Variants in DLGAP1 observed in about 807,000 individuals in gnomAD.
DLGAP1 encodes DLG associated protein 1.
Under a neutral mutation model 90.8 loss-of-function variants are expected in DLGAP1, and 11 were observed. The ratio of observed to expected loss-of-function variants is 0.12; its 90% CI spans 0.08 to 0.20. The LOEUF is 0.20. Ranked by LOEUF, DLGAP1 falls within the 10% of genes least tolerant of loss-of-function variation. DLGAP1 has a pLI of 1.00. For synonymous variants in DLGAP1, 558 were observed against 540.7 expected (o/e 1.03, Z -0.44); for missense variants, 1,050 against 1,333.8 (o/e 0.79, Z 3.31).
chr18:4,049,754 G>T (rs1298613136), intron 2 of DLGAP1, among the ~76,000 whole-genome samples: 1 of 152,066 alleles, frequency 6.6e-6, no homozygotes, highest in Non-Finnish European at 1.5e-5. Flanking sequence ...GCTTAGACTA[G>T]GTTTTTACTT....
chr18:4,324,584 A>G (rs1440786798), intron 1 of DLGAP1, among the ~76,000 whole-genome samples: 1 of 152,138 alleles, frequency 6.6e-6, no homozygotes, highest in Non-Finnish European at 1.5e-5. Context: ...ACTTCAGGCA[A>G]TAACCTTGAT....
At chr18:4,099,335 C>G (rs1283393568) in intron 2 of DLGAP1, among the ~76,000 whole-genome samples, 1 of 128,694 alleles carries the variant, frequency 7.8e-6, no homozygotes, top group African/African-American at 3.6e-5. Flanking sequence ...ATCTATCTAT[C>G]TATCTATCTA....
At chr18:4,015,208 C>T (rs2074500950) in intron 2 of DLGAP1, among the ~76,000 whole-genome samples, 1 of 152,070 alleles carries the variant, frequency 6.6e-6, no homozygotes, top group Non-Finnish European at 1.5e-5. Flanking sequence ...ACTTCAGAGG[C>T]CTGTGCTCTC....
At chr18:4,425,240 C>CTTTA (rs2083126684) in intron 1 of DLGAP1, among the ~76,000 whole-genome samples, 1 of 152,144 alleles carries the variant, frequency 6.6e-6, no homozygotes, top group African/African-American at 2.4e-5. Context: ...AAGCAACATA[C>CTTTA]TTTACATTAT....
intron 5 of DLGAP1, among the ~76,000 whole-genome samples, chr18:3,748,166 A>G (rs1277542257): frequency 6.6e-6 from 1 of 152,056 alleles, no homozygotes; most frequent in African/African-American, 2.4e-5. Context: ...CTAAAGGGAG[A>G]TTTTGATTTT....
At chr18:4,082,205 G>C (rs1413533741) in intron 2 of DLGAP1, among the ~76,000 whole-genome samples, 1 of 151,882 alleles carries the variant, frequency 6.6e-6, no homozygotes, top group East Asian at 1.9e-4. Flanking sequence ...AGCTGGGCGT[G>C]GCAGTGTATG....
intron 1 of DLGAP1, among the ~76,000 whole-genome samples, chr18:4,176,365 C>G (rs1006699575): frequency 2.6e-5 from 4 of 152,214 alleles, no homozygotes; most frequent in Admixed American, 2.0e-4. Context: ...ACTAGTCATA[C>G]AGCACCTCCA....
intron 9 of DLGAP1, among the ~76,000 whole-genome samples, chr18:3,538,575 G>A (rs981069301): frequency 5.3e-5 from 8 of 152,156 alleles, no homozygotes; most frequent in African/African-American, 1.4e-4. Flanking sequence ...ACTGTCATCT[G>A]AAGCTAAGCT....
chr18:3,547,731 T>C (rs903556189), intron 9 of DLGAP1, among the ~76,000 whole-genome samples: 1 of 152,168 alleles, frequency 6.6e-6, no homozygotes, highest in Non-Finnish European at 1.5e-5. Flanking sequence ...GTAATTCTAT[T>C]CTTAGGTATA....
chr18:3,538,481 C>A (rs1002695336), intron 9 of DLGAP1, among the ~76,000 whole-genome samples: 1 of 152,104 alleles, frequency 6.6e-6, no homozygotes, highest in Admixed American at 6.5e-5. Flanking sequence ...AACAATTTTG[C>A]GAAAGTGGTT....
intron 1 of DLGAP1, among the ~76,000 whole-genome samples, chr18:4,354,612 C>T (rs1450109724): frequency 6.6e-6 from 1 of 151,954 alleles, no homozygotes; most frequent in African/African-American, 2.4e-5. Context: ...TCTTGTTAAC[C>T]TGCCTTTTGT....
intron 4 of DLGAP1, among the ~76,000 whole-genome samples, chr18:3,833,134 C>A (rs2872578): frequency 0.52 from 2,922 of 5,672 alleles, 169 homozygotes; most frequent in Middle Eastern, 0.55. Flanking sequence ...TATAAGATTC[C>A]TTCCTTCCTT....
chr18:4,047,820 T>G (rs1334900575), intron 2 of DLGAP1, among the ~76,000 whole-genome samples: 1 of 152,206 alleles, frequency 6.6e-6, no homozygotes, highest in Non-Finnish European at 1.5e-5. Context: ...TTTTTAGAGA[T>G]GGGGTTGCTC....
chr18:4,183,135 T>C (rs1372005865), intron 1 of DLGAP1, among the ~76,000 whole-genome samples: 1 of 152,124 alleles, frequency 6.6e-6, no homozygotes, highest in Non-Finnish European at 1.5e-5. Context: ...AGAAAATACA[T>C]TAAATCAAAT....
chr18:4,269,354 A>ATATTTTT (rs1247401948), intron 1 of DLGAP1, among the ~76,000 whole-genome samples: 14 of 132,110 alleles, frequency 1.1e-4, no homozygotes, highest in Admixed American at 7.1e-4. Flanking sequence ...ATATATATAT[A>ATATTTTT]TTTTTTTTTT....
In DLGAP1 at chr18:3,547,177, G is replaced by T. The variant is rs62083993; in HGVS notation, c.2058-12562C>A. On this transcript the variant is annotated intron_variant, in intron 9 of 12. Transcript: ENST00000315677. ...TTAGCCAGGCGTGGTGGCGGGCGCC[G>T]GTAGTCCCAGCTACTCGGGAGGCTG... 6.4e-3 allele frequency among the ~76,000 whole-genome samples: 974 copies of T among 151,358 alleles called. 8 individuals are homozygous for T. The highest frequency in any genetic ancestry group is 0.01 in the Non-Finnish European group (709 of 67,822).
At chr18:4,038,770 C>T (rs1339726689) in intron 2 of DLGAP1, among the ~76,000 whole-genome samples, 1 of 152,066 alleles carries the variant, frequency 6.6e-6, no homozygotes. Flanking sequence ...GGGATCTTTG[C>T]CCCAGGTAAA....
At chr18:4,386,901 G>C (rs2082240067) in intron 1 of DLGAP1, among the ~76,000 whole-genome samples, 1 of 152,142 alleles carries the variant, frequency 6.6e-6, no homozygotes, top group Admixed American at 6.6e-5. Flanking sequence ...TGCATAATAG[G>C]GGTAATTAGG....
At chr18:4,226,395 A>G (rs1054012558) in intron 1 of DLGAP1, among the ~76,000 whole-genome samples, 5 of 152,152 alleles carry the variant, frequency 3.3e-5, no homozygotes, top group African/African-American at 1.2e-4. Flanking sequence ...AAAACAAAAT[A>G]TAATAACATT....
Sources: gnomAD v4.1 joint callset for allele counts (sites outside exome capture counted in the v4.1 genomes callset) on GRCh38, gnomAD v4.1.1 for gene constraint, MANE v1.5 for transcripts, NCBI Gene and HGNC (gene_info 2026-07-23, HGNC 2026-07-21) for gene names.